ZZZ3: variants seen among roughly 807,000 people sequenced by gnomAD.
ZZZ3 encodes ZZ-type zinc finger-containing protein 3.
In ZZZ3, 22 loss-of-function variants were observed where a neutral mutation model predicts 95.2. That is an observed-to-expected ratio of 0.23 (90% CI 0.17 to 0.33). The LOEUF is 0.33. Ranked by LOEUF, ZZZ3 falls within the 10% of genes least tolerant of loss-of-function variation. ZZZ3 has a pLI of 1.00. For synonymous variants in ZZZ3, 335 were observed against 358.9 expected (o/e 0.93, Z 0.75); for missense variants, 885 against 1,066.5 (o/e 0.83, Z 2.37).
At chr1:77,571,361 T>G (rs911177374) in intron 12 of ZZZ3, among the ~76,000 whole-genome samples, 1 of 152,188 alleles carries the variant, frequency 6.6e-6, no homozygotes, top group African/African-American at 2.4e-5. Context: ...GGTGAGAATG[T>G]AAATGGTACA....
intron 4 of ZZZ3, 53 bp from the exon 5 acceptor site, chr1:77,633,458 G>T (rs1415361418): frequency 1.3e-5 from 15 of 1,197,438 alleles, no homozygotes; most frequent in Non-Finnish European, 1.7e-5. Flanking sequence ...AATATACCCA[G>T]AACGAAAGTA....
chr1:77,591,032 C>G, intron 5 of ZZZ3, among the ~76,000 whole-genome samples: 1 of 152,016 alleles, frequency 6.6e-6, no homozygotes, highest in South Asian at 2.1e-4. Context: ...AAATAAAAAC[C>G]AAGGAACAAA....
intron 12 of ZZZ3, among the ~76,000 whole-genome samples, chr1:77,570,153 A>AGCGC (rs1301743641): frequency 6.6e-6 from 1 of 152,188 alleles, no homozygotes; most frequent in African/African-American, 2.4e-5. Flanking sequence ...CCCAGGCTGG[A>AGCGC]GCGCAGTGGC....
At chr1:77,675,245 T>C (rs1371472225) in intron 1 of ZZZ3, among the ~76,000 whole-genome samples, 1 of 152,162 alleles carries the variant, frequency 6.6e-6, no homozygotes, top group African/African-American at 2.4e-5. Flanking sequence ...AAAGCATTAT[T>C]TCATTTTATT....
chr1:77,652,932 A>G (rs1018254863), intron 1 of ZZZ3, among the ~76,000 whole-genome samples: 1 of 152,226 alleles, frequency 6.6e-6, no homozygotes, highest in African/African-American at 2.4e-5. Flanking sequence ...CTGTAATCCC[A>G]GCACTTTGAG....
chr1:77,653,029 A>G (rs1669947763), intron 1 of ZZZ3, among the ~76,000 whole-genome samples: 1 of 152,166 alleles, frequency 6.6e-6, no homozygotes, highest in Non-Finnish European at 1.5e-5. Context: ...TCTACAAAAA[A>G]TTAAAAAATT....
chr1:77,595,089 C>T (rs749948731), intron 5 of ZZZ3, among the ~76,000 whole-genome samples: 5 of 152,018 alleles, frequency 3.3e-5, no homozygotes, highest in Non-Finnish European at 5.9e-5. Context: ...TGTTCTGTTA[C>T]ATCAACCATT....
chr1:77,625,587 C>T (rs1231836357), intron 5 of ZZZ3, among the ~76,000 whole-genome samples: 1 of 151,876 alleles, frequency 6.6e-6, no homozygotes, highest in African/African-American at 2.4e-5. Context: ...CATAAAAAAC[C>T]AAGTAGCCCA....
chr1:77,663,996 C>T (rs1040177093), intron 1 of ZZZ3, among the ~76,000 whole-genome samples: 25 of 151,696 alleles, frequency 1.6e-4, no homozygotes, highest in African/African-American at 5.8e-4. Flanking sequence ...GTGATCCGCC[C>T]GCCTCAGCCT....
chr1:77,646,780 T>A (rs548829728), intron 1 of ZZZ3, among the ~76,000 whole-genome samples: 2 of 152,172 alleles, frequency 1.3e-5, no homozygotes, highest in African/African-American at 4.8e-5. Context: ...CCTACAATTG[T>A]CCCCAGTTTA....
chr1:77,581,494 C>T (rs1196921873), intron 8 of ZZZ3, among the ~76,000 whole-genome samples: 1 of 152,126 alleles, frequency 6.6e-6, no homozygotes, highest in Non-Finnish European at 1.5e-5. Flanking sequence ...ATTGCATATA[C>T]TACCTATTTA....
At chr1:77,609,857 A>G (rs181561929) in intron 5 of ZZZ3, among the ~76,000 whole-genome samples, 4 of 152,180 alleles carry the variant, frequency 2.6e-5, no homozygotes, top group Admixed American at 2.6e-4. Context: ...TGAAAACACA[A>G]CATACCATAA....
intron 12 of ZZZ3, among the ~76,000 whole-genome samples, chr1:77,573,805 A>C (rs1041492936): frequency 9.2e-5 from 14 of 152,150 alleles, no homozygotes; most frequent in Non-Finnish European, 1.8e-4. Context: ...ATAACTTTTC[A>C]TTAAAATATC....
At chr1:77,565,960 C>A in intron 14 of ZZZ3, 121 bp downstream of exon 14, 1 of 1,116,564 alleles carries the variant, frequency 9.0e-7, no homozygotes, top group South Asian at 1.7e-5. Flanking sequence ...CCTAGAACAA[C>A]AAAATTTAAT....
At chr1:77,647,173 C>T (rs1001696817) in intron 1 of ZZZ3, among the ~76,000 whole-genome samples, 4 of 152,024 alleles carry the variant, frequency 2.6e-5, no homozygotes, top group East Asian at 1.9e-4. Flanking sequence ...GAATAAGAAT[C>T]GGAAAAAAAT....
intron 5 of ZZZ3, among the ~76,000 whole-genome samples, chr1:77,600,128 T>TA (rs34052337): frequency 5.0e-4 from 75 of 150,460 alleles, no homozygotes; most frequent in African/African-American, 8.0e-4. Context: ...CTATAAGACT[T>TA]AAAAAAAAAA....
Position 77,565,028 on chromosome 1 carries a change from C to G in ZZZ3, c.*612G>C, listed in dbSNP as rs1404386808. 6.6e-6 allele frequency: 1 copy of G among 152,624 alleles called. No homozygotes were observed. The highest frequency in any genetic ancestry group is 2.4e-5 in the African/African-American group (1 of 41,446). The allele number at this position is 152,624 out of a possible 1,614,324, so 9.5% of individuals were successfully genotyped here. On this transcript the variant is annotated 3_prime_UTR_variant, in exon 15 of 15. Transcript: ENST00000370801. ...TGAGCTGGTTAAGGAAGCAATGCCA[C>G]AGTTGCCTCCTGTAGTGCTTCACTG...
intron 1 of ZZZ3, among the ~76,000 whole-genome samples, chr1:77,668,516 A>T (rs1171715450): frequency 6.6e-6 from 1 of 152,166 alleles, no homozygotes; most frequent in Non-Finnish European, 1.5e-5. Context: ...CTCTCTATAT[A>T]AGTAGAAAGT....
chr1:77,586,808 C>G (rs1663124954), intron 5 of ZZZ3, among the ~76,000 whole-genome samples: 1 of 152,090 alleles, frequency 6.6e-6, no homozygotes, highest in Non-Finnish European at 1.5e-5. Flanking sequence ...AGACACTGCA[C>G]CAGTAAGATT....
Sources: gnomAD v4.1 joint callset for allele counts (sites outside exome capture counted in the v4.1 genomes callset) on GRCh38, gnomAD v4.1.1 for gene constraint, MANE v1.5 for transcripts, NCBI Gene and HGNC (gene_info 2026-07-23, HGNC 2026-07-21) for gene names.